Variants in KSR2 observed in about 807,000 individuals in gnomAD.
KSR2 encodes kinase suppressor of ras 2.
A neutral mutation model predicts 107.8 loss-of-function variants in KSR2; 25 were observed. That is an observed-to-expected ratio of 0.23 (90% CI 0.17 to 0.32). The LOEUF (loss-of-function observed/expected upper bound fraction) is 0.32, where lower values mean the gene tolerates loss of function less well. Among genes scored for constraint, KSR2 ranks in the 10% least tolerant of loss-of-function variants. KSR2 has a pLI of 1.00. For missense variants in KSR2, 887 were observed against 1,268.9 expected, an observed-to-expected ratio of 0.70 and a Z score of 4.57; for synonymous variants, 480 against 507.0, an observed-to-expected ratio of 0.95 and a Z score of 0.71.
chr12:117,924,775 T>G (rs1036883848), intron 1 of KSR2, among the ~76,000 whole-genome samples: 1 of 152,094 alleles, frequency 6.6e-6, no homozygotes, highest in African/African-American at 2.4e-5. Flanking sequence ...CCAAATGCAA[T>G]GTAAGAACCT....
intron 3 of KSR2, among the ~76,000 whole-genome samples, chr12:117,844,377 T>C (rs1181587420): frequency 4.0e-5 from 6 of 151,326 alleles, no homozygotes. Context: ...AACTATACCC[T>C]AAAGAGTTAA....
chr12:117,924,356 G>A (rs1315979659), intron 1 of KSR2, among the ~76,000 whole-genome samples: 2 of 149,066 alleles, frequency 1.3e-5, no homozygotes, highest in Non-Finnish European at 3.0e-5. Context: ...TCATGAGGTC[G>A]GGAGTTTGAG....
intron 5 of KSR2, among the ~76,000 whole-genome samples, chr12:117,665,107 T>G (rs932169471): frequency 3.3e-5 from 5 of 152,178 alleles, no homozygotes; most frequent in African/African-American, 4.8e-5. Flanking sequence ...GCTGTCTTTC[T>G]TCTTTCCGGG....
chr12:117,612,142 C>T (rs1465123241), intron 5 of KSR2, among the ~76,000 whole-genome samples: 1 of 152,164 alleles, frequency 6.6e-6, no homozygotes, highest in Non-Finnish European at 1.5e-5. Context: ...CAGTGGCTCA[C>T]GCCTGTAATC....
At chr12:117,854,332 T>C (rs1320252792) in intron 3 of KSR2, among the ~76,000 whole-genome samples, 2 of 152,206 alleles carry the variant, frequency 1.3e-5, no homozygotes, top group African/African-American at 2.4e-5. Context: ...ATGCTGACTG[T>C]ACCTGAATCA....
At chr12:117,751,963 G>C (rs1888627019) in intron 4 of KSR2, among the ~76,000 whole-genome samples, 1 of 152,156 alleles carries the variant, frequency 6.6e-6, no homozygotes, top group Admixed American at 6.5e-5. Flanking sequence ...AAATATATTA[G>C]AGATCCTTGT....
chr12:117,815,867 C>G (rs560782798), intron 3 of KSR2, among the ~76,000 whole-genome samples: 1 of 151,564 alleles, frequency 6.6e-6, no homozygotes, highest in Admixed American at 6.6e-5. Context: ...CCCAGCTACT[C>G]GGGAGGCTGA....
At chr12:117,877,201 G>T (rs1481347325) in intron 1 of KSR2, among the ~76,000 whole-genome samples, 6 of 152,102 alleles carry the variant, frequency 3.9e-5, no homozygotes, top group Non-Finnish European at 8.8e-5. Context: ...GCTGGGCATG[G>T]TGGTGGGCGC....
chr12:117,514,008 C>T (rs1377872264), intron 14 of KSR2, among the ~76,000 whole-genome samples: 1 of 152,186 alleles, frequency 6.6e-6, no homozygotes, highest in Non-Finnish European at 1.5e-5. Flanking sequence ...TAAAGCTGTC[C>T]CCATACTCCC....
rs1233438202 is a variant in KSR2 at position 117,460,437 on chromosome 12, G to C, written c.*6762C>G. On this transcript the variant is annotated 3_prime_UTR_variant, in exon 20 of 20. Coordinates refer to ENST00000339824, the MANE Select transcript of KSR2 (RefSeq NM_173598.6). ...AGAGACGGAGGGGATAGGAAGCCTG[G>C]AGCAGGGATACTGGAGGGACCCAGG... The C allele has an allele frequency of 2.0e-5, 3 of 152,248 alleles. No individual in the cohort carries two copies. The highest frequency in any genetic ancestry group is 7.2e-5 in the African/African-American group (3 of 41,424). 9.4% of individuals were successfully genotyped at this position (152,248 alleles called of 1,614,324 possible).
At chr12:117,955,988 C>T (rs973123006) in intron 1 of KSR2, among the ~76,000 whole-genome samples, 3 of 151,848 alleles carry the variant, frequency 2.0e-5, no homozygotes, top group African/African-American at 7.3e-5. Flanking sequence ...CAGTGGTTCA[C>T]GCCTGTAATC....
At chr12:117,833,099 A>G (rs570763415) in intron 3 of KSR2, among the ~76,000 whole-genome samples, 134 of 152,292 alleles carry the variant, frequency 8.8e-4, no homozygotes, top group Middle Eastern at 3.4e-3. Context: ...TCTGAGCACA[A>G]TGCTGGCTTT....
rs941458630 is a variant in KSR2 at position 117,458,502 on chromosome 12, A to G, written c.*8697T>C. 3 of 152,182 alleles carry G rather than the reference A, an allele frequency of 2.0e-5. No individual in the cohort carries two copies. The highest frequency in any genetic ancestry group is 7.2e-5 in the African/African-American group (3 of 41,438). The allele number at this position is 152,182 out of a possible 1,614,324, so 9.4% of individuals were successfully genotyped here. On this transcript the variant is annotated 3_prime_UTR_variant, in exon 20 of 20. Transcript: ENST00000339824. ...GGCGCGATGCAAATAGCATGTTGGC[A>G]TAAACAAGTGCTGCCCGCTCAATGG...
At chr12:117,643,889 C>T (rs1461983146) in intron 5 of KSR2, among the ~76,000 whole-genome samples, 2 of 152,162 alleles carry the variant, frequency 1.3e-5, no homozygotes, top group Admixed American at 6.6e-5. Context: ...CACTACCGCA[C>T]GATGCCTGAC....
At chr12:117,792,913 T>C (rs977954702) in intron 3 of KSR2, among the ~76,000 whole-genome samples, 1 of 148,374 alleles carries the variant, frequency 6.7e-6, no homozygotes, top group Non-Finnish European at 1.5e-5. Flanking sequence ...CACACCAACA[T>C]GCACACACCC....
chr12:117,822,054 C>T (rs1308416884), intron 3 of KSR2, among the ~76,000 whole-genome samples: 1 of 152,172 alleles, frequency 6.6e-6, no homozygotes, highest in Non-Finnish European at 1.5e-5. Context: ...ATGAGAGTGA[C>T]CTCTGGTCGT....
chr12:117,955,213 C>G (rs1271039987), intron 1 of KSR2, among the ~76,000 whole-genome samples: 1 of 151,880 alleles, frequency 6.6e-6, no homozygotes, highest in Non-Finnish European at 1.5e-5. Context: ...CCTCAATCTC[C>G]CTGGGCTCAA....
intron 1 of KSR2, among the ~76,000 whole-genome samples, chr12:117,963,189 CAAAAT>C (rs1319313684): frequency 1.3e-5 from 2 of 150,884 alleles, no homozygotes; most frequent in Non-Finnish European, 3.0e-5. Context: ...GACCCTGTCT[CAAAAT>C]AAAAAGAAAA....
At chr12:117,847,473 G>A (rs1022921777) in intron 3 of KSR2, among the ~76,000 whole-genome samples, 1 of 152,192 alleles carries the variant, frequency 6.6e-6, no homozygotes, top group Non-Finnish European at 1.5e-5. Context: ...GGGGTGCAAG[G>A]GCACCTGCCT....
Sources: allele counts gnomAD v4.1 joint callset (sites outside exome capture counted in the v4.1 genomes callset), GRCh38; gene constraint gnomAD v4.1.1; transcripts MANE v1.5; gene names NCBI Gene and HGNC (gene_info 2026-07-23, HGNC 2026-07-21).